KCNMA1: variants seen among roughly 807,000 people sequenced by gnomAD.
KCNMA1 encodes potassium calcium-activated channel subfamily M alpha 1.
In KCNMA1, 29 loss-of-function variants were observed where a neutral mutation model predicts 140.0. The ratio of observed to expected loss-of-function variants is 0.21; its 90% CI spans 0.15 to 0.28. The LOEUF (loss-of-function observed/expected upper bound fraction) is 0.28, where lower values mean the gene tolerates loss of function less well. KCNMA1 is among the 10% of genes least tolerant of loss of function. The probability of loss-of-function intolerance (pLI) is 1.00; values close to 1 mark genes in which losing one functional copy is unlikely to be tolerated. For missense variants in KCNMA1, 880 were observed against 1,602.2 expected, an observed-to-expected ratio of 0.55 and a Z score of 7.70; for synonymous variants, 612 against 611.9, an observed-to-expected ratio of 1.00 and a Z score of 0.00.
chr10:77,402,582 C>T (rs1022717432), intron 2 of KCNMA1, among the ~76,000 whole-genome samples: 7 of 152,178 alleles, frequency 4.6e-5, no homozygotes, highest in African/African-American at 1.4e-4. Context: ...TACTCAAGCA[C>T]CACGTTCATT....
At chr10:77,032,523 C>T (rs148567004) in intron 15 of KCNMA1, among the ~76,000 whole-genome samples, 40 of 152,152 alleles carry the variant, frequency 2.6e-4, no homozygotes, top group African/African-American at 7.7e-4. Context: ...GTATGTCCAA[C>T]GCAGGAAGTT....
chr10:77,087,799 T>C (rs981912690), intron 10 of KCNMA1, among the ~76,000 whole-genome samples: 2 of 152,180 alleles, frequency 1.3e-5, no homozygotes, highest in Admixed American at 1.3e-4. Context: ...GAACCTACTA[T>C]ACGCCAGGTA....
intron 23 of KCNMA1, among the ~76,000 whole-genome samples, chr10:76,918,055 T>A (rs2053701939): frequency 2.0e-5 from 3 of 152,196 alleles, no homozygotes; most frequent in Admixed American, 2.0e-4. Context: ...TCTCTGACCA[T>A]CTTGCTCTCC....
intron 1 of KCNMA1, among the ~76,000 whole-genome samples, chr10:77,453,557 C>T (rs2097702344): frequency 6.6e-6 from 1 of 152,058 alleles, no homozygotes; most frequent in Non-Finnish European, 1.5e-5. Flanking sequence ...GTGAGCCCTA[C>T]AGTTGCCTCA....
chr10:77,441,024 C>T (rs891134249), intron 1 of KCNMA1, among the ~76,000 whole-genome samples: 11 of 151,954 alleles, frequency 7.2e-5, no homozygotes, highest in Non-Finnish European at 1.6e-4. Flanking sequence ...GGGGTTTCAC[C>T]GTGTTGGCCA....
At chr10:77,183,344 C>T in intron 5 of KCNMA1, 77 bp downstream of exon 5, 4 of 925,622 alleles carry the variant, frequency 4.3e-6, no homozygotes, top group Non-Finnish European at 7.2e-6. Context: ...GGAGACAGCC[C>T]CCTCATCCAC....
chr10:77,579,222 G>A (rs2075135881), intron 1 of KCNMA1, among the ~76,000 whole-genome samples: 1 of 152,252 alleles, frequency 6.6e-6, no homozygotes, highest in Admixed American at 6.5e-5. Flanking sequence ...CAGGGCATCT[G>A]CCGGCAGCTG....
chr10:77,540,416 CTG>C (rs2059912811), intron 1 of KCNMA1, among the ~76,000 whole-genome samples: 1 of 152,232 alleles, frequency 6.6e-6, no homozygotes, highest in South Asian at 2.1e-4. Context: ...TTGGGAAAAA[CTG>C]GCACTGTTCA....
chr10:76,993,201 A>G (rs1441014110), intron 19 of KCNMA1, among the ~76,000 whole-genome samples: 1 of 152,040 alleles, frequency 6.6e-6, no homozygotes. Flanking sequence ...CCTTCAACAC[A>G]CTCAAGATGT....
At chr10:77,628,408 C>A (rs1006555849) in intron 1 of KCNMA1, among the ~76,000 whole-genome samples, 1 of 152,192 alleles carries the variant, frequency 6.6e-6, no homozygotes, top group Non-Finnish European at 1.5e-5. Flanking sequence ...GTAATCCCAG[C>A]ACTTTGGGAG....
chr10:77,071,109 C>G (rs762345460), intron 14 of KCNMA1: 5 of 152,222 alleles, frequency 3.3e-5, no homozygotes, highest in Admixed American at 1.3e-4. Flanking sequence ...TAAATAGGAA[C>G]TTGGCAATGG....
At chr10:77,636,444 C>T (rs994595540) in intron 1 of KCNMA1, 5 of 1,536,206 alleles carry the variant, frequency 3.3e-6, no homozygotes, top group Non-Finnish European at 3.5e-6. Flanking sequence ...CGCGTAAAAC[C>T]GCGGCCTCAG....
intron 1 of KCNMA1, 58 bp downstream of exon 1, chr10:77,637,207 G>A (rs939089362): frequency 6.8e-7 from 1 of 1,476,808 alleles, no homozygotes; most frequent in Admixed American, 1.9e-5. Flanking sequence ...TGGGCTGCAG[G>A]GGACGCCGAG....
intron 2 of KCNMA1, among the ~76,000 whole-genome samples, chr10:77,395,200 CAT>C (rs753508300): frequency 6.6e-5 from 10 of 151,898 alleles, no homozygotes; most frequent in African/African-American, 2.4e-4. Flanking sequence ...TTTAAGAAAA[CAT>C]AGCATGTCAT....
At chr10:77,477,232 C>A (rs570196201) in intron 1 of KCNMA1, among the ~76,000 whole-genome samples, 1 of 152,240 alleles carries the variant, frequency 6.6e-6, no homozygotes, top group Non-Finnish European at 1.5e-5. Context: ...TGCAGTGTAA[C>A]TCCTTATCAT....
intron 1 of KCNMA1, among the ~76,000 whole-genome samples, chr10:77,619,188 A>C (rs1222224580): frequency 6.6e-6 from 1 of 152,194 alleles, no homozygotes; most frequent in Non-Finnish European, 1.5e-5. Context: ...TTAAGTAAGG[A>C]ATTCATAGAG....
At chr10:77,607,487 G>C (rs1247862226) in intron 1 of KCNMA1, among the ~76,000 whole-genome samples, 1 of 152,182 alleles carries the variant, frequency 6.6e-6, no homozygotes, top group Non-Finnish European at 1.5e-5. Flanking sequence ...AGGACCTTGA[G>C]ATGAAGAGAT....
chr10:77,303,108 C>A (rs918883439), intron 2 of KCNMA1, among the ~76,000 whole-genome samples: 1 of 152,074 alleles, frequency 6.6e-6, no homozygotes, highest in Non-Finnish European at 1.5e-5. Context: ...AATAATAATA[C>A]CTACTCTGCT....
chr10:77,330,353 A>C (rs1449997028), intron 2 of KCNMA1, among the ~76,000 whole-genome samples: 1 of 152,128 alleles, frequency 6.6e-6, no homozygotes, highest in Admixed American at 6.5e-5. Flanking sequence ...CTTCCTCATC[A>C]TTCTGTCAAT....
Sources: allele counts gnomAD v4.1 joint callset (sites outside exome capture counted in the v4.1 genomes callset), GRCh38; gene constraint gnomAD v4.1.1; transcripts MANE v1.5; gene names NCBI Gene and HGNC (gene_info 2026-07-23, HGNC 2026-07-21).